FBXW8: variants seen among roughly 807,000 people sequenced by gnomAD.
The protein encoded by FBXW8 is F-box and WD repeat domain containing 8.
In FBXW8, 57 loss-of-function variants were observed where a neutral mutation model predicts 65.3. The ratio of observed to expected loss-of-function variants is 0.87; its 90% CI spans 0.71 to 1.09. The LOEUF (loss-of-function observed/expected upper bound fraction) is 1.09. FBXW8 is among the 50% of genes least tolerant of loss of function. The pLI, the probability that FBXW8 is intolerant of heterozygous loss-of-function variation, is 0.00. For missense variants in FBXW8, 777 were observed against 814.8 expected (o/e 0.95, Z 0.57); for synonymous variants, 308 against 330.2 (o/e 0.93, Z 0.73).
chr12:116,964,632 A>G (rs1231061180), intron 4 of FBXW8, 65 bp from the exon 5 acceptor site: 1 of 1,593,228 alleles, frequency 6.3e-7, no homozygotes, highest in South Asian at 1.1e-5. Context: ...GGCTCTGTGC[A>G]TTTTCCCCAC....
chr12:116,982,370 C>T (rs1885361354), intron 5 of FBXW8, among the ~76,000 whole-genome samples: 1 of 152,132 alleles, frequency 6.6e-6, no homozygotes, highest in African/African-American at 2.4e-5. Context: ...AAAGCAAAGA[C>T]TATAGTAACC....
chr12:116,920,806 ATGG>A (rs1296771542), intron 1 of FBXW8, among the ~76,000 whole-genome samples: 1 of 152,188 alleles, frequency 6.6e-6, no homozygotes, highest in Non-Finnish European at 1.5e-5. Flanking sequence ...GCCAATCCTG[ATGG>A]TGGGAATGTG....
At chr12:116,995,925 C>T (rs1019814872) in intron 7 of FBXW8, among the ~76,000 whole-genome samples, 1 of 152,206 alleles carries the variant, frequency 6.6e-6, no homozygotes, top group African/African-American at 2.4e-5. Context: ...ATACTTTCAT[C>T]CATGGACACA....
Position 116,989,038 on chromosome 12 carries a change from C to T in FBXW8, c.1239+169C>T, listed in dbSNP as rs570157245. On this transcript the variant is annotated intron_variant, in intron 7 of 10. Transcript: ENST00000652555. ...AAAAGGATTGCAAATGAAAAGTAAT[C>T]ATTTTCTTTCTCCTCCCTTCCCCCA... Among the ~76,000 whole-genome samples, 3 of 152,252 alleles carry T rather than the reference C, an allele frequency of 2.0e-5. No homozygotes were observed. In the South Asian group the frequency reaches 6.2e-4, roughly 32 times the overall value.
chr12:116,988,644 A>G lies in FBXW8; in HGVS notation c.1033-19A>G. The G allele has an allele frequency of 6.2e-7, 1 of 1,612,294 alleles. No homozygotes were observed. Among genetic ancestry groups the G allele is most frequent in the African/African-American group, 1.3e-5 (1 of 74,990 alleles). ...TCAGGATGAATTTATGGGACTAAAC[A>G]ACTCTTACCTTTTAACAGGTTCAGT... On this transcript the variant is annotated intron_variant, in intron 6 of 10. Coordinates refer to ENST00000652555, the MANE Select transcript of FBXW8 (RefSeq NM_153348.3).
chr12:116,982,715 C>A (rs1258591212), intron 5 of FBXW8, among the ~76,000 whole-genome samples: 1 of 149,406 alleles, frequency 6.7e-6, no homozygotes, highest in Non-Finnish European at 1.5e-5. Context: ...GCATAAAGTT[C>A]TGTTGGAAAA....
At chr12:116,927,980 T>A in intron 1 of FBXW8, 43 bp from the exon 2 acceptor site, 1 of 1,254,152 alleles carries the variant, frequency 8.0e-7, no homozygotes, top group Non-Finnish European at 1.1e-6. Flanking sequence ...GTTATTTTCA[T>A]ATCTAAAAAT....
chr12:117,010,778 C>T (rs1349545085), intron 8 of FBXW8, among the ~76,000 whole-genome samples: 2 of 152,226 alleles, frequency 1.3e-5, no homozygotes, highest in Non-Finnish European at 2.9e-5. Context: ...CTTGAAAGCT[C>T]ACTTTCTAAT....
At chr12:116,956,009 C>T (rs1462072530) in intron 4 of FBXW8, among the ~76,000 whole-genome samples, 1 of 152,156 alleles carries the variant, frequency 6.6e-6, no homozygotes, top group African/African-American at 2.4e-5. Context: ...TTGCAATAAA[C>T]TCTCTCCTCA....
At chr12:116,952,101 T>A (rs1041337811) in intron 4 of FBXW8, among the ~76,000 whole-genome samples, 4 of 152,238 alleles carry the variant, frequency 2.6e-5, no homozygotes, top group Non-Finnish European at 5.9e-5. Context: ...TTTTCCACAC[T>A]GTTCTATTTA....
chr12:116,945,519 C>A lies in FBXW8; in HGVS notation c.579C>A (p.Thr193=). The part of the protein sequence containing the change: ...ECRAKEHMLR[T]NWKNRKGAVS... Reference sequence around the variant, plus strand: ...GAGCCAAGGAACACATGTTACGAACCAACTGGAAGGTGGGCAGTGGCCAAT... The same window carrying A: ...GAGCCAAGGAACACATGTTACGAACAAACTGGAAGGTGGGCAGTGGCCAAT... The change falls in exon 3 of 11, where the codon ACC becomes ACA. Residue 193 remains threonine (T), a synonymous_variant. Coordinates refer to ENST00000652555, the MANE Select transcript of FBXW8 (RefSeq NM_153348.3). The A allele has an allele frequency of 6.2e-7, 1 of 1,613,556 alleles. No homozygotes were observed. The highest frequency in any genetic ancestry group is 1.1e-5 in the South Asian group (1 of 90,982).
intron 8 of FBXW8, among the ~76,000 whole-genome samples, chr12:117,011,655 A>G (rs1287177795): frequency 6.6e-6 from 1 of 152,116 alleles, no homozygotes; most frequent in African/African-American, 2.4e-5. Context: ...CAGAGGCTCC[A>G]AGCTCCTCTC....
chr12:116,996,001 G>T (rs1398500508), intron 7 of FBXW8, among the ~76,000 whole-genome samples: 1 of 152,148 alleles, frequency 6.6e-6, no homozygotes, highest in Non-Finnish European at 1.5e-5. Context: ...GCTCTCAGAG[G>T]TGGAGGGTTA....
Position 117,028,552 on chromosome 12 carries a change from G to GC in FBXW8, c.*384dup, listed in dbSNP as rs1243492580. ...CTGCAGGCCGTCTTTTCCGTCTCCA[G>GC]CCCCTTACCTCTTTTCCTCCGAGGG... On this transcript the variant is annotated 3_prime_UTR_variant, in exon 11 of 11. Coordinates refer to ENST00000652555, the MANE Select transcript of FBXW8 (RefSeq NM_153348.3). This position sits in a 1 kb window ranked among gnomAD's most constrained non-coding sequence, Gnocchi z 4.1. The GC allele has an allele frequency of 5.1e-6, 1 of 197,386 alleles. No individual in the cohort carries two copies. The highest frequency in any genetic ancestry group is 2.3e-5 in the African/African-American group (1 of 44,020). 12.2% of individuals were successfully genotyped at this position (197,386 alleles called of 1,614,324 possible). A position where few individuals can be genotyped will look rare whatever the true frequency, so the allele number is the denominator to read the frequency against.
chr12:116,945,521 A>G lies in FBXW8; in HGVS notation c.581A>G (p.Asn194Ser), dbSNP rs774749274. ...GCCAAGGAACACATGTTACGAACCAACTGGAAGGTGGGCAGTGGCCAATAT... is the reference window on the plus strand; with the variant it reads ...GCCAAGGAACACATGTTACGAACCAGCTGGAAGGTGGGCAGTGGCCAATAT... Reference protein sequence around the residue: ...CRAKEHMLRTNWKNRKGAVSE... With the variant: ...CRAKEHMLRTSWKNRKGAVSE... Residue 194 changes from asparagine to serine, a missense_variant, in exon 3 of 11, where the codon AAC becomes AGC. Asn to Ser is a conservative substitution (Grantham distance 46, BLOSUM62 1). Transcript: ENST00000652555. The G allele has an allele frequency of 1.6e-5, 26 of 1,613,472 alleles. No individual in the cohort carries two copies. The highest frequency in any genetic ancestry group is 5.0e-5 in the Admixed American group (3 of 59,978).
intron 5 of FBXW8, among the ~76,000 whole-genome samples, chr12:116,967,595 G>A (rs1884403397): frequency 6.6e-6 from 1 of 152,084 alleles, no homozygotes; most frequent in Non-Finnish European, 1.5e-5. Flanking sequence ...AATTACATGT[G>A]GACATCTTTT....
intron 5 of FBXW8, chr12:116,977,883 C>T (rs1339560982): frequency 6.6e-6 from 1 of 152,188 alleles, no homozygotes; most frequent in Non-Finnish European, 1.5e-5. Context: ...TCTGCTGTCT[C>T]GTCATTTTTC....
chr12:116,960,657 G>A (rs1306278297), intron 4 of FBXW8, among the ~76,000 whole-genome samples: 1 of 152,174 alleles, frequency 6.6e-6, no homozygotes, highest in Non-Finnish European at 1.5e-5. Flanking sequence ...AAAGTGGGCA[G>A]TGGAAATAAA....
At chr12:116,925,687 A>G (rs980132942) in intron 1 of FBXW8, among the ~76,000 whole-genome samples, 3 of 152,206 alleles carry the variant, frequency 2.0e-5, no homozygotes, top group Admixed American at 6.5e-5. Flanking sequence ...CGTTTACAAA[A>G]TTACAATTCA....
Sources: allele counts gnomAD v4.1 joint callset (sites outside exome capture counted in the v4.1 genomes callset), GRCh38; gene constraint gnomAD v4.1.1; non-coding constraint Gnocchi (gnomAD v3.1); transcripts MANE v1.5; gene names NCBI Gene and HGNC (gene_info 2026-07-23, HGNC 2026-07-21).